Variants in CPEB3 observed in about 807,000 individuals in gnomAD.
The protein encoded by CPEB3 is cytoplasmic polyadenylation element-binding protein 3.
CPEB3 carries 20 observed loss-of-function variants against 67.2 expected under a neutral mutation model. That is an observed-to-expected ratio of 0.30 (90% CI 0.21 to 0.43). CPEB3 has a LOEUF of 0.43. CPEB3 is among the 20% of genes least tolerant of loss of function. The pLI is 1.00. For missense variants in CPEB3, 746 were observed against 968.6 expected, an observed-to-expected ratio of 0.77 and a Z score of 3.05; for synonymous variants, 376 against 393.1, an observed-to-expected ratio of 0.96 and a Z score of 0.51.
At chr10:92,202,438 A>T (rs1849563966) in intron 2 of CPEB3, among the ~76,000 whole-genome samples, 1 of 151,152 alleles carries the variant, frequency 6.6e-6, no homozygotes, top group African/African-American at 2.4e-5. Context: ...ACATGCATAT[A>T]ATGCAATAAC....
At chr10:92,129,833 G>A (rs1845764241) in intron 6 of CPEB3, among the ~76,000 whole-genome samples, 3 of 152,104 alleles carry the variant, frequency 2.0e-5, no homozygotes, top group South Asian at 4.1e-4. Context: ...CTTGAGCCCA[G>A]GAGTTTGAGA....
chr10:92,105,461 C>G (rs1486424147), intron 7 of CPEB3, among the ~76,000 whole-genome samples: 1 of 152,088 alleles, frequency 6.6e-6, no homozygotes, highest in Non-Finnish European at 1.5e-5. Flanking sequence ...TTTTGCCTTT[C>G]TCTGAAATTT....
intron 4 of CPEB3, among the ~76,000 whole-genome samples, chr10:92,147,554 A>G (rs1846745983): frequency 6.6e-6 from 1 of 152,192 alleles, no homozygotes; most frequent in Admixed American, 6.5e-5. Flanking sequence ...ATATTCACCC[A>G]TATTTCAGTG....
At chr10:92,249,280 G>A (rs1412099380) in intron 1 of CPEB3, among the ~76,000 whole-genome samples, 2 of 151,972 alleles carry the variant, frequency 1.3e-5, no homozygotes, top group Non-Finnish European at 2.9e-5. Flanking sequence ...TCAGGAGGCT[G>A]AGGCCGGAGA....
At chr10:92,279,879 G>A (rs548386108) in intron 1 of CPEB3, among the ~76,000 whole-genome samples, 14 of 152,134 alleles carry the variant, frequency 9.2e-5, no homozygotes, top group East Asian at 1.9e-4. Context: ...GCATGGTGGC[G>A]CGTGCCTGTA....
chr10:92,054,918 A>G (rs1177135407), intron 9 of CPEB3, among the ~76,000 whole-genome samples: 1 of 152,236 alleles, frequency 6.6e-6, no homozygotes, highest in Admixed American at 6.5e-5. Context: ...ACTTGTCCAC[A>G]ATGGCAAAAA....
intron 4 of CPEB3, among the ~76,000 whole-genome samples, chr10:92,151,244 C>T (rs1045258690): frequency 7.9e-5 from 12 of 152,184 alleles, no homozygotes; most frequent in Admixed American, 2.0e-4. Context: ...TCTGAGCTCC[C>T]ACCAAGGCCT....
chr10:92,118,298 A>C (rs1005505087), intron 6 of CPEB3, among the ~76,000 whole-genome samples: 10 of 151,916 alleles, frequency 6.6e-5, no homozygotes, highest in African/African-American at 2.4e-4. Flanking sequence ...CACCTGGCTA[A>C]TTTTTGCATT....
At chr10:92,056,230 C>T (rs1163707771) in intron 9 of CPEB3, among the ~76,000 whole-genome samples, 1 of 152,114 alleles carries the variant, frequency 6.6e-6, no homozygotes, top group Non-Finnish European at 1.5e-5. Context: ...CCACGATGCT[C>T]CACAAACACA....
chr10:92,228,899 A>T (rs1472410335), intron 2 of CPEB3, among the ~76,000 whole-genome samples: 1 of 151,298 alleles, frequency 6.6e-6, no homozygotes, highest in African/African-American at 2.4e-5. Flanking sequence ...TTTTTAGTAG[A>T]GACGGGGTTT....
intron 6 of CPEB3, among the ~76,000 whole-genome samples, chr10:92,140,071 CAAA>C (rs113444635): frequency 9.8e-4 from 112 of 114,520 alleles, no homozygotes; most frequent in Admixed American, 2.7e-3. Flanking sequence ...GACTCTGTCT[CAAA>C]AAAAAAAAAA....
intron 1 of CPEB3, chr10:92,243,067 G>C (rs1013999407): frequency 6.6e-6 from 1 of 152,080 alleles, no homozygotes; most frequent in Non-Finnish European, 1.5e-5. Context: ...TTACAGCAAA[G>C]TGAGAAATAG....
chr10:92,080,664 G>A (rs1217056397), intron 9 of CPEB3, among the ~76,000 whole-genome samples: 1 of 151,920 alleles, frequency 6.6e-6, no homozygotes, highest in East Asian at 1.9e-4. Context: ...CACGATCTCG[G>A]CTCACTCCAA....
intron 4 of CPEB3, among the ~76,000 whole-genome samples, chr10:92,166,937 A>C (rs1357845004): frequency 6.6e-6 from 1 of 152,158 alleles, no homozygotes; most frequent in Non-Finnish European, 1.5e-5. Flanking sequence ...ATCTTAACTA[A>C]ATCTGGGTAA....
chr10:92,112,214 G>C (rs1359368693), intron 6 of CPEB3, among the ~76,000 whole-genome samples: 2 of 143,438 alleles, frequency 1.4e-5, no homozygotes, highest in South Asian at 4.5e-4. Context: ...GTATGATCTC[G>C]GCTCACTGCA....
intron 1 of CPEB3, among the ~76,000 whole-genome samples, chr10:92,242,569 A>C (rs1448313228): frequency 3.3e-5 from 5 of 152,202 alleles, no homozygotes; most frequent in African/African-American, 4.8e-5. Flanking sequence ...TATAATAGCC[A>C]TATCATCATG....
intron 8 of CPEB3, among the ~76,000 whole-genome samples, chr10:92,083,997 C>CA (rs1843265556): frequency 6.6e-6 from 1 of 152,042 alleles, no homozygotes; most frequent in African/African-American, 2.4e-5. Context: ...TCCTGGCTAA[C>CA]ACGGTGAAAC....
chr10:92,195,046 A>ACACACACACAC (rs1564855307), intron 2 of CPEB3, among the ~76,000 whole-genome samples: 40 of 117,150 alleles, frequency 3.4e-4, no homozygotes, highest in African/African-American at 1.1e-3. Context: ...TGTCTCAAAA[A>ACACACACACAC]ACACACACAC....
intron 7 of CPEB3, among the ~76,000 whole-genome samples, chr10:92,095,696 T>C (rs2133342028): frequency 6.6e-6 from 1 of 150,568 alleles, no homozygotes; most frequent in East Asian, 1.9e-4. Flanking sequence ...TCAAATATTT[T>C]GTGGAGAGTA....
Sources: gnomAD v4.1 joint callset for allele counts (sites outside exome capture counted in the v4.1 genomes callset) on GRCh38, gnomAD v4.1.1 for gene constraint, MANE v1.5 for transcripts, NCBI Gene and HGNC (gene_info 2026-07-23, HGNC 2026-07-21) for gene names.